GALNT13: variants seen among roughly 807,000 people sequenced by gnomAD.
The protein encoded by GALNT13 is UDP-GalNAc:polypeptide N-acetylgalactosaminyltransferase 13.
In GALNT13, 28 loss-of-function variants were observed where a neutral mutation model predicts 64.2. The ratio of observed to expected loss-of-function variants is 0.44; its 90% CI spans 0.32 to 0.60. The LOEUF (loss-of-function observed/expected upper bound fraction) is 0.60. Among genes scored for constraint, GALNT13 ranks in the 20% least tolerant of loss-of-function variants. The probability of loss-of-function intolerance (pLI) is 0.05; values close to 1 mark genes in which losing one functional copy is unlikely to be tolerated. For synonymous variants in GALNT13, 214 were observed against 224.6 expected, an observed-to-expected ratio of 0.95 and a Z score of 0.42; for missense variants, 577 against 669.8, an observed-to-expected ratio of 0.86 and a Z score of 1.53.
At chr2:154,317,089 T>C (rs1694358088) in intron 9 of GALNT13, among the ~76,000 whole-genome samples, 1 of 152,052 alleles carries the variant, frequency 6.6e-6, no homozygotes, top group Admixed American at 6.6e-5. Context: ...GGTATGCACC[T>C]GTAGTCCCAG....
chr2:153,774,219 C>T, the GALNT13 span, among the ~76,000 whole-genome samples: 2 of 151,734 alleles, frequency 1.3e-5, no homozygotes. Context: ...ATCATAAATA[C>T]TAAATCATAA....
chr2:154,242,194 G>A lies in GALNT13; in HGVS notation c.476G>A (p.Arg159Lys), dbSNP rs955959777. ...EVILVDDASE[R>K]DFLKLTLENY... ...ATCTTGGTAGATGATGCCAGTGAAA[G>A]AGGTACAAACTGGTTTTTTGTTTTT... is the stretch of plus-strand genomic sequence containing the variant. Residue 159 changes from arginine (R) to lysine (K), a missense_variant and splice_region_variant, in exon 5 of 13, where the codon AGA (arginine) becomes AAA (lysine). Around this residue, in one of 3 missense-constraint regions of GALNT13, gnomAD observed 341 missense variants for 379.3 expected, o/e 0.90. Coordinates refer to ENST00000392825, the MANE Select transcript of GALNT13 (RefSeq NM_052917.4). The A allele has an allele frequency of 2.5e-6, 4 of 1,607,426 alleles. No individual in the cohort carries two copies. Among genetic ancestry groups the A allele is most frequent in the Non-Finnish European group, 3.4e-6 (4 of 1,178,172 alleles).
chr2:154,357,351 T>A (rs1696809970), intron 9 of GALNT13, among the ~76,000 whole-genome samples: 1 of 152,084 alleles, frequency 6.6e-6, no homozygotes, highest in South Asian at 2.1e-4. Context: ...GTATTAACCT[T>A]TAATTTTCAT....
the GALNT13 span, among the ~76,000 whole-genome samples, chr2:153,142,354 T>C: frequency 6.6e-6 from 1 of 151,970 alleles, no homozygotes; most frequent in Non-Finnish European, 1.5e-5. Flanking sequence ...TAATTGAAGA[T>C]GATAAACACA....
In GALNT13 at chr2:154,409,003, A is replaced by G. The variant is rs1699674759; in HGVS notation, c.1316A>G (p.Asn439Ser). The change falls in exon 11 of 13, where the codon AAT (asparagine) becomes AGT (serine). Residue 439 changes from asparagine (N) to serine (S), a missense_variant. Physicochemically the swap from Asn to Ser is conservative, Grantham distance 46 (BLOSUM62 1). Transcript: ENST00000392825. ...CTTTAGATAAGAAATGTTGAAACCA[A>G]TCAGTGTTTAGACAACATGGGCCGC... ...SLGEIRNVET[N>S]QCLDNMGRKE... 1 of 1,609,724 alleles carries G rather than the reference A, an allele frequency of 6.2e-7. No homozygotes were observed. The highest frequency in any genetic ancestry group is 1.1e-5 in the South Asian group (1 of 90,960).
At chr2:153,422,095 A>C in the GALNT13 span, 1 of 152,234 alleles carries the variant, frequency 6.6e-6, no homozygotes, top group African/African-American at 2.4e-5. Flanking sequence ...ATAGCTCATG[A>C]AACACTTTAA....
chr2:153,699,168 G>A, the GALNT13 span, among the ~76,000 whole-genome samples: 1 of 151,978 alleles, frequency 6.6e-6, no homozygotes, highest in Non-Finnish European at 1.5e-5. Context: ...TTGCAAAAAA[G>A]AAAAGAAACA....
chr2:154,111,346 T>C (rs1553479481), intron 3 of GALNT13, among the ~76,000 whole-genome samples: 1 of 152,202 alleles, frequency 6.6e-6, no homozygotes, highest in Non-Finnish European at 1.5e-5. Flanking sequence ...GACACCCTGA[T>C]AGATCTCCTA....
At chr2:153,768,390 G>A in the GALNT13 span, among the ~76,000 whole-genome samples, 1 of 152,142 alleles carries the variant, frequency 6.6e-6, no homozygotes, top group South Asian at 2.1e-4. Flanking sequence ...TCACTGGGGT[G>A]TTGAAGTCCC....
chr2:153,592,578 G>A, the GALNT13 span, among the ~76,000 whole-genome samples: 1 of 152,096 alleles, frequency 6.6e-6, no homozygotes, highest in Non-Finnish European at 1.5e-5. Flanking sequence ...TATTTTAAGT[G>A]AAACAAGCCA....
At chr2:153,116,859 G>T in the GALNT13 span, among the ~76,000 whole-genome samples, 1 of 149,044 alleles carries the variant, frequency 6.7e-6, no homozygotes, top group East Asian at 2.0e-4. Context: ...GAGTGCAGGG[G>T]CGCGATCTTG....
chr2:153,378,255 T>TATAGATAGATAG, the GALNT13 span, among the ~76,000 whole-genome samples: 2 of 143,594 alleles, frequency 1.4e-5, no homozygotes, highest in African/African-American at 5.2e-5. Flanking sequence ...TTTAGAACAT[T>TATAGATAGATAG]ATAGATAGAT....
the GALNT13 span, among the ~76,000 whole-genome samples, chr2:153,796,526 A>G: frequency 1.9e-4 from 29 of 152,348 alleles, no homozygotes; most frequent in African/African-American, 6.0e-4. Context: ...ATCATCTTTT[A>G]TAAAAATAAA....
At chr2:154,290,678 A>G (rs2105960201) in intron 8 of GALNT13, among the ~76,000 whole-genome samples, 1 of 152,204 alleles carries the variant, frequency 6.6e-6, no homozygotes, top group South Asian at 2.1e-4. Flanking sequence ...TTGTGTCCAG[A>G]ATTGGTGGAT....
chr2:154,061,879 A>T lies in GALNT13; in HGVS notation c.143-78458A>T, dbSNP rs564596086. The stretch of plus-strand genomic sequence containing the variant: ...CTTTTTCTAACATTATTTATATTGT[A>T]AGTAGGTTCCTCACTAAGAGTATAT... On this transcript the variant is annotated intron_variant, in intron 3 of 12. Coordinates refer to ENST00000392825, the MANE Select transcript of GALNT13 (RefSeq NM_052917.4). Among the ~76,000 whole-genome samples the T allele has an allele frequency of 7.9e-5, 12 of 152,312 alleles. No individual in the cohort carries two copies. The South Asian group carries it at 2.5e-3, about 32-fold the overall frequency.
the GALNT13 span, among the ~76,000 whole-genome samples, chr2:153,173,581 G>A: frequency 6.6e-6 from 1 of 152,014 alleles, no homozygotes; most frequent in African/African-American, 2.4e-5. Context: ...TCCAAATAAG[G>A]TTACATTCTG....
intron 11 of GALNT13, among the ~76,000 whole-genome samples, chr2:154,417,509 A>ATTTTTT (rs1202687837): frequency 7.5e-6 from 1 of 133,486 alleles, no homozygotes; most frequent in South Asian, 2.2e-4. Flanking sequence ...TTATTTATTT[A>ATTTTTT]TTTATTTATT....
rs941133438 is a variant in GALNT13, at chr2:154,385,746, T to C, written c.1157-10245T>C. ...TGCCTAACTAAACCATACTACTCCA[T>C]GGAGGGATAGATGAGTGTCCTCTTT... On this transcript the variant is annotated intron_variant, in intron 9 of 12. Coordinates refer to ENST00000392825, the MANE Select transcript of GALNT13 (RefSeq NM_052917.4). Among the ~76,000 whole-genome samples the C allele has an allele frequency of 1.7e-4, 26 of 152,090 alleles. 1 individual carries two copies. The highest frequency in any genetic ancestry group is 6.3e-4 in the African/African-American group (26 of 41,536).
the GALNT13 span, among the ~76,000 whole-genome samples, chr2:153,732,568 C>T: frequency 7.9e-5 from 12 of 152,000 alleles, no homozygotes; most frequent in Admixed American, 1.3e-4. Context: ...ATGTGTACAA[C>T]GGCTGAATCA....
Sources: gnomAD v4.1 joint callset for allele counts (sites outside exome capture counted in the v4.1 genomes callset) on GRCh38, gnomAD v4.1.1 for gene constraint, gnomAD v4.1.1 regional missense constraint, MANE v1.5 for transcripts, NCBI Gene and HGNC (gene_info 2026-07-23, HGNC 2026-07-21) for gene names.